BLM: variants seen among roughly 807,000 people sequenced by gnomAD.
BLM encodes BLM RecQ like helicase.
In BLM, 95 loss-of-function variants were observed where a neutral mutation model predicts 135.3. The ratio of observed to expected loss-of-function variants is 0.70; its 90% CI spans 0.59 to 0.83. The LOEUF (loss-of-function observed/expected upper bound fraction) is 0.83. Among genes scored for constraint, BLM ranks in the 40% least tolerant of loss-of-function variants. The probability of loss-of-function intolerance (pLI) is 0.00; values close to 1 mark genes in which losing one functional copy is unlikely to be tolerated. For missense variants in BLM, 1,518 were observed against 1,663.9 expected (o/e 0.91, Z 1.53); for synonymous variants, 520 against 589.2 (o/e 0.88, Z 1.70).
At chr15:90,732,756 A>G (rs1039121189) in intron 1 of BLM, among the ~76,000 whole-genome samples, 6 of 152,228 alleles carry the variant, frequency 3.9e-5, no homozygotes, top group Admixed American at 2.0e-4. Context: ...AAAGATAAAA[A>G]GAGAAATTAG....
In BLM at chr15:90,811,399, G is replaced by A; in HGVS notation, c.4069G>A (p.Ala1357Thr). ...AAAAACTGCTTCCAGTGGTTCCAAG[G>A]CAAAGGGGTATGTTTTGTGACATCT... ...RRKTASSGSK[A>T]KGGSATCRKI... Residue 1357 changes from alanine (A) to threonine (T), a missense_variant, in exon 21 of 22, where the codon GCA becomes ACA. Physicochemically the swap from Ala to Thr is moderately conservative, Grantham distance 58 (BLOSUM62 0). Coordinates refer to ENST00000355112, the MANE Select transcript of BLM (RefSeq NM_000057.4). 2 of 1,614,096 alleles carry A rather than the reference G, an allele frequency of 1.2e-6. No individual in the cohort carries two copies. The highest frequency in any genetic ancestry group is 8.5e-7 in the Non-Finnish European group (1 of 1,179,974).
At chr15:90,746,361 T>C (rs1297252185) in intron 1 of BLM, among the ~76,000 whole-genome samples, 1 of 152,186 alleles carries the variant, frequency 6.6e-6, no homozygotes, top group Non-Finnish European at 1.5e-5. Context: ...ACTAGCTATA[T>C]TACCTAAAGC....
At chr15:90,785,998 C>CTTTTTTT (rs869185558) in intron 14 of BLM, among the ~76,000 whole-genome samples, 9 of 110,722 alleles carry the variant, frequency 8.1e-5, no homozygotes, top group Non-Finnish European at 1.2e-4. Context: ...TCGTTTCTTT[C>CTTTTTTT]TTTTTTTTTT....
chr15:90,766,210 G>A (rs1896122348), intron 9 of BLM, among the ~76,000 whole-genome samples: 1 of 152,118 alleles, frequency 6.6e-6, no homozygotes, highest in Non-Finnish European at 1.5e-5. Flanking sequence ...TAGTGCAGTG[G>A]TGGTAGCCAT....
chr15:90,748,334 C>CT (rs1895564459), intron 2 of BLM, among the ~76,000 whole-genome samples: 1 of 151,636 alleles, frequency 6.6e-6, no homozygotes. Context: ...TCTCAAACTC[C>CT]TGACCTCAAG....
chr15:90,780,158 C>T (rs1896583972), intron 12 of BLM, among the ~76,000 whole-genome samples: 1 of 150,512 alleles, frequency 6.6e-6, no homozygotes, highest in Admixed American at 6.6e-5. Flanking sequence ...GATGTCGGCT[C>T]ACTGCAACCT....
At chr15:90,755,250 G>T in intron 5 of BLM, 1 of 341,576 alleles carries the variant, frequency 2.9e-6, no homozygotes, top group South Asian at 3.2e-5. Context: ...TTACAAATGA[G>T]AACTTCCACA....
rs1248013291 is a variant in BLM at position 90,798,280 on chromosome 15, A to G, written c.3301A>G (p.Lys1101Glu). Residue 1101 changes from lysine to glutamate, a missense_variant, in exon 17 of 22, where the codon AAA (lysine) becomes GAA (glutamate). By Grantham distance (56) the Lys-to-Glu change is moderately conservative. Transcript: ENST00000355112. Reference sequence around the variant, plus strand: ...TTCATCACAAGGAATGAGAAATATAAAACATGTAGGTCCTTCTGGAAGATT... The same window carrying G: ...TTCATCACAAGGAATGAGAAATATAGAACATGTAGGTCCTTCTGGAAGATT... ...HSSSQGMRNI[K>E]HVGPSGRFTM... The G allele has an allele frequency of 1.2e-6, 2 of 1,612,622 alleles. No homozygotes were observed. The highest frequency in any genetic ancestry group is 2.7e-5 in the African/African-American group (2 of 74,908).
At chr15:90,744,469 T>G (rs977871413) in intron 1 of BLM, among the ~76,000 whole-genome samples, 8 of 151,790 alleles carry the variant, frequency 5.3e-5, no homozygotes, top group Non-Finnish European at 1.2e-4. Context: ...GCCTCCCGGG[T>G]TCAAGCAATT....
In BLM at chr15:90,815,165, T is replaced by G. The variant is rs747834576; in HGVS notation, c.4140T>G (p.Ser1380Arg). 27 of 1,614,202 alleles carry G rather than the reference T, an allele frequency of 1.7e-5. No homozygotes were observed. Among genetic ancestry groups the G allele is most frequent in the Non-Finnish European group, 2.3e-5 (27 of 1,180,024 alleles). The change falls in exon 22 of 22, where the codon AGT (serine) becomes AGG (arginine). Residue 1380 changes from serine (S) to arginine (R), a missense_variant. Physicochemically the swap from Ser to Arg is moderately radical, Grantham distance 110. This residue lies in a region of BLM where 153 missense variants were observed against 173.4 expected (regional missense o/e 0.88). Transcript: ENST00000355112. This position sits in a 1 kb window ranked among gnomAD's most constrained non-coding sequence, Gnocchi z 4.6. The part of the protein sequence containing the change: ...KTKSSSIIGS[S>R]SASHTSQATS... The stretch of plus-strand genomic sequence containing the variant: ...AATCCTCCAGCATCATTGGATCCAG[T>G]TCAGCCTCACATACTTCTCAAGCGA...
chr15:90,734,669 ACGCACG>A (rs1895156643), intron 1 of BLM, among the ~76,000 whole-genome samples: 1 of 139,794 alleles, frequency 7.2e-6, no homozygotes, highest in African/African-American at 2.8e-5. Flanking sequence ...ACACGCGCGC[ACGCACG>A]CACACACACA....
intron 14 of BLM, among the ~76,000 whole-genome samples, chr15:90,789,383 G>A (rs1311871289): frequency 6.6e-6 from 1 of 152,322 alleles, no homozygotes; most frequent in Admixed American, 6.5e-5. Context: ...TGCAGGCGGT[G>A]CCTCACAGCC....
chr15:90,792,512 C>T (rs1176744528), intron 15 of BLM, among the ~76,000 whole-genome samples: 2 of 152,070 alleles, frequency 1.3e-5, no homozygotes, highest in Non-Finnish European at 2.9e-5. Context: ...CTTATTTGTT[C>T]AAAACAACTA....
At chr15:90,752,865 T>A (rs1895724843) in intron 4 of BLM, among the ~76,000 whole-genome samples, 1 of 152,164 alleles carries the variant, frequency 6.6e-6, no homozygotes, top group African/African-American at 2.4e-5. Context: ...AGCATTCTCA[T>A]TTACCAGGTG....
At chr15:90,808,937 G>A (rs1195099556) in intron 19 of BLM, 200 bp from the exon 20 acceptor site, 2 of 673,606 alleles carry the variant, frequency 3.0e-6, no homozygotes. Flanking sequence ...CGCTGGAATT[G>A]GATGGTGGGT....
At chr15:90,778,314 T>A (rs922210954) in intron 12 of BLM, among the ~76,000 whole-genome samples, 1 of 152,256 alleles carries the variant, frequency 6.6e-6, no homozygotes, top group Non-Finnish European at 1.5e-5. Context: ...TTCAATTGTG[T>A]CTACAAATTT....
intron 19 of BLM, among the ~76,000 whole-genome samples, chr15:90,808,481 A>G (rs1430848611): frequency 6.6e-6 from 1 of 152,240 alleles, no homozygotes; most frequent in Non-Finnish European, 1.5e-5. Flanking sequence ...CGCTCCTGCA[A>G]TGGCTTCCAC....
chr15:90,808,110 A>G (rs917050269), intron 19 of BLM, among the ~76,000 whole-genome samples: 1 of 152,224 alleles, frequency 6.6e-6, no homozygotes, highest in African/African-American at 2.4e-5. Flanking sequence ...TGTGATGTAC[A>G]TTTTAATCTT....
At chr15:90,736,285 G>A (rs2151136673) in intron 1 of BLM, among the ~76,000 whole-genome samples, 1 of 151,416 alleles carries the variant, frequency 6.6e-6, no homozygotes, top group South Asian at 2.1e-4. Context: ...TTTTTTTTGA[G>A]ACAGGGTCTT....
Sources: gnomAD v4.1 joint callset for allele counts (sites outside exome capture counted in the v4.1 genomes callset) on GRCh38, gnomAD v4.1.1 for gene constraint, gnomAD v4.1.1 regional missense constraint, Gnocchi (gnomAD v3.1) non-coding constraint, MANE v1.5 for transcripts, NCBI Gene and HGNC (gene_info 2026-07-23, HGNC 2026-07-21) for gene names.